Variants in FYTTD1 observed in about 807,000 individuals in gnomAD.
FYTTD1 encodes the protein forty-two-three domain containing 1.
FYTTD1 carries 22 observed loss-of-function variants against 40.9 expected under a neutral mutation model. That is an observed-to-expected ratio of 0.54 (90% CI 0.38 to 0.77). The LOEUF (loss-of-function observed/expected upper bound fraction) is 0.77, where lower values mean the gene tolerates loss of function less well. Among genes scored for constraint, FYTTD1 ranks in the 30% least tolerant of loss-of-function variants. The pLI, the probability that FYTTD1 is intolerant of heterozygous loss-of-function variation, is 0.00. For synonymous variants in FYTTD1, 140 were observed against 137.9 expected (o/e 1.01, Z -0.10); for missense variants, 351 against 392.2 (o/e 0.90, Z 0.89).
Position 197,781,919 on chromosome 3 carries a change from C to G in FYTTD1, c.*10C>G. On this transcript the variant is annotated 3_prime_UTR_variant, in exon 9 of 9. Transcript: ENST00000241502. ...TGTCACCGTGGGATAGGTCCCATGT[C>G]AAAGGAACTTTTGAGTGATGACTCT... 6.5e-7 allele frequency: 1 copy of G among 1,540,086 alleles called. No homozygotes were observed. Among genetic ancestry groups the G allele is most frequent in the Non-Finnish European group, 8.8e-7 (1 of 1,131,702 alleles).
At chr3:197,761,918 A>T (rs1729399350) in intron 2 of FYTTD1, among the ~76,000 whole-genome samples, 1 of 152,194 alleles carries the variant, frequency 6.6e-6, no homozygotes, top group Non-Finnish European at 1.5e-5. Context: ...AGTTTTGGAG[A>T]TTAGCAGTTC....
intron 2 of FYTTD1, among the ~76,000 whole-genome samples, chr3:197,766,842 T>C (rs545878612): frequency 6.6e-6 from 1 of 152,320 alleles, no homozygotes; most frequent in African/African-American, 2.4e-5. Context: ...ATTGAGGCAC[T>C]ACTATAAAAT....
chr3:197,755,788 G>A (rs750821226), intron 1 of FYTTD1: 66 of 1,550,656 alleles, frequency 4.3e-5, no homozygotes, highest in Non-Finnish European at 5.7e-5. Context: ...ATGCCTGGCC[G>A]GAAGGGGGTC....
intron 8 of FYTTD1, among the ~76,000 whole-genome samples, chr3:197,780,385 A>G (rs1437242955): frequency 6.6e-6 from 1 of 152,048 alleles, no homozygotes; most frequent in Non-Finnish European, 1.5e-5. Flanking sequence ...TTCCTTTCCA[A>G]TCTTTAAACC....
At chr3:197,756,595 T>G (rs1386314780) in intron 2 of FYTTD1, 38 bp downstream of exon 2, 2 of 1,581,608 alleles carry the variant, frequency 1.3e-6, no homozygotes, top group Admixed American at 3.3e-5. Context: ...AAAGCTGTTA[T>G]TTGTGTGTTC....
At chr3:197,763,957 G>T (rs1279628713) in intron 2 of FYTTD1, among the ~76,000 whole-genome samples, 1 of 152,228 alleles carries the variant, frequency 6.6e-6, no homozygotes, top group Admixed American at 6.5e-5. Context: ...CGCTCTGGCG[G>T]TACTTTATTT....
intron 2 of FYTTD1, among the ~76,000 whole-genome samples, chr3:197,766,104 A>G: frequency 6.6e-6 from 1 of 151,270 alleles, no homozygotes; most frequent in Non-Finnish European, 1.5e-5. Flanking sequence ...TGGAGGTTGC[A>G]GTGAGCTGAG....
intron 2 of FYTTD1, among the ~76,000 whole-genome samples, chr3:197,763,149 C>A (rs1729439433): frequency 6.6e-6 from 1 of 152,166 alleles, no homozygotes; most frequent in South Asian, 2.1e-4. Context: ...CGTGGTGGCT[C>A]ACCCAGGTAA....
chr3:197,749,604 C>G, upstream of FYTTD1: 1 of 1,140,750 alleles, frequency 8.8e-7, no homozygotes, highest in African/African-American at 1.6e-5. Flanking sequence ...GCAGGAGGGA[C>G]TCGAAGGACA....
chr3:197,778,486 T>A, intron 8 of FYTTD1, 22 bp downstream of exon 8: 1 of 1,545,320 alleles, frequency 6.5e-7, no homozygotes, highest in South Asian at 1.2e-5. Flanking sequence ...TTTTCTGTAT[T>A]TTCTTGGGTC....
Position 197,776,962 on chromosome 3 carries a change from C to G in FYTTD1, c.692C>G (p.Thr231Ser), listed in dbSNP as rs1399183215. 1.2e-6 allele frequency: 2 copies of G among 1,612,096 alleles called. No individual in the cohort carries two copies. Among genetic ancestry groups the G allele is most frequent in the African/African-American group, 2.7e-5 (2 of 74,910 alleles). ...TCCACCACAAATGGAGGGATTTTGACTGTATCTATTGACAATCCTGGAGCA... is the reference window on the plus strand; with the variant it reads ...TCCACCACAAATGGAGGGATTTTGAGTGTATCTATTGACAATCCTGGAGCA... Reference protein sequence around the residue: ...RTSTTNGGILTVSIDNPGAVQ... With the variant: ...RTSTTNGGILSVSIDNPGAVQ... The change falls in exon 7 of 9, where the codon ACT (threonine) becomes AGT (serine). Residue 231 changes from threonine to serine, a missense_variant. Coordinates refer to ENST00000241502, the MANE Select transcript of FYTTD1 (RefSeq NM_032288.7).
chr3:197,779,780 T>C (rs1729974791), intron 8 of FYTTD1, among the ~76,000 whole-genome samples: 2 of 136,742 alleles, frequency 1.5e-5, no homozygotes, highest in Non-Finnish European at 3.1e-5. Context: ...CCACCACACC[T>C]GGGGATACAG....
At position 197,787,109 on chromosome 3, in the gene FYTTD1, T is replaced by C. The variant is rs1218334546; in HGVS notation, c.*5200T>C. On this transcript the variant is annotated 3_prime_UTR_variant, in exon 9 of 9. Transcript: ENST00000241502. ...CCACCACGCCCGCCCTAAAAGTGGA[T>C]TCTTTTTTTTTTTTTTTTTTTTGGA... The C allele has an allele frequency of 8.8e-6, 1 of 113,242 alleles. No homozygotes were observed. Among genetic ancestry groups the C allele is most frequent in the Non-Finnish European group, 1.7e-5 (1 of 58,030 alleles). 7.0% of individuals were successfully genotyped at this position (113,242 alleles called of 1,614,324 possible). A position where few individuals can be genotyped will look rare whatever the true frequency, so the allele number is the denominator to read the frequency against.
rs1439904209 is a variant in FYTTD1, at chr3:197,787,435, A to T, written c.*5526A>T. 3 of 152,338 alleles carry T rather than the reference A, an allele frequency of 2.0e-5. No individual in the cohort carries two copies. The highest frequency in any genetic ancestry group is 7.2e-5 in the African/African-American group (3 of 41,552). The allele number at this position is 152,338 out of a possible 1,614,324, so 9.4% of individuals were successfully genotyped here. A position where few individuals can be genotyped will look rare whatever the true frequency, so the allele number is the denominator to read the frequency against. ...TGGAGTCTTAGAAGGAGTGACCATGATATGTTTCTACTGAGTAGAAGGGGG... is the reference window on the plus strand; with the variant it reads ...TGGAGTCTTAGAAGGAGTGACCATGTTATGTTTCTACTGAGTAGAAGGGGG... On this transcript the variant is annotated 3_prime_UTR_variant, in exon 9 of 9. Coordinates refer to ENST00000241502, the MANE Select transcript of FYTTD1 (RefSeq NM_032288.7).
intron 2 of FYTTD1, among the ~76,000 whole-genome samples, chr3:197,766,812 A>G (rs1213192115): frequency 1.3e-5 from 2 of 152,200 alleles, no homozygotes. Flanking sequence ...AGATTGACTC[A>G]GTTCACCTTC....
chr3:197,763,368 C>A (rs9818429), intron 2 of FYTTD1: 2 of 286,510 alleles, frequency 7.0e-6, no homozygotes, highest in Non-Finnish European at 1.4e-5. Flanking sequence ...GAGCCGAGAT[C>A]GCACCATTGC....
intron 2 of FYTTD1, among the ~76,000 whole-genome samples, chr3:197,766,430 G>GGTGTGTGTGTGTGTGTGTGTGT (rs111725145): frequency 0.049 from 6,605 of 134,924 alleles, 274 homozygotes; most frequent in Admixed American, 0.097. Flanking sequence ...GTTTGAGACT[G>GGTGTGTGTGTGTGTGTGTGTGT]GTGTGTGTGT....
chr3:197,780,116 T>C lies in FYTTD1; in HGVS notation c.858+1652T>C, dbSNP rs112305188. Among the ~76,000 whole-genome samples the C allele has an allele frequency of 3.7e-3, 445 of 119,686 alleles. 6 individuals are homozygous for C. Among genetic ancestry groups the C allele is most frequent in the Middle Eastern group, 0.015 (2 of 134 alleles). The allele number at this position is 119,686 out of a possible 152,430, so 78.5% of individuals were successfully genotyped here. A position where few individuals can be genotyped will look rare whatever the true frequency, so the allele number is the denominator to read the frequency against. On this transcript the variant is annotated intron_variant, in intron 8 of 8. Coordinates refer to ENST00000241502, the MANE Select transcript of FYTTD1 (RefSeq NM_032288.7). ...ACACACACCACCACACCTGGGGATA[T>C]AGGCACACACATCAGCACACCTGGG... is the stretch of plus-strand genomic sequence containing the variant.
chr3:197,781,977 G>T lies in FYTTD1; in HGVS notation c.*68G>T, dbSNP rs1730040471. ...TGAATTGCTTGAAGAGTTCATCACG[G>T]AAATTCAAGAAACTTTACTTCAAAA... is the stretch of plus-strand genomic sequence containing the variant. On this transcript the variant is annotated 3_prime_UTR_variant, in exon 9 of 9. Coordinates refer to ENST00000241502, the MANE Select transcript of FYTTD1 (RefSeq NM_032288.7). 1.2e-6 allele frequency: 1 copy of T among 826,514 alleles called. No individual in the cohort carries two copies. The highest frequency in any genetic ancestry group is 2.9e-5 in the Admixed American group (1 of 34,204). 51.2% of individuals were successfully genotyped at this position (826,514 alleles called of 1,614,324 possible).
Sources: allele counts gnomAD v4.1 joint callset (sites outside exome capture counted in the v4.1 genomes callset), GRCh38; gene constraint gnomAD v4.1.1; transcripts MANE v1.5; gene names NCBI Gene and HGNC (gene_info 2026-07-23, HGNC 2026-07-21).